Variants in ARHGAP15 observed in about 807,000 individuals in gnomAD.
The protein encoded by ARHGAP15 is Rho GTPase activating protein 15.
In ARHGAP15, 51 loss-of-function variants were observed where a neutral mutation model predicts 63.7. The observed-to-expected ratio is 0.80, with a 90% confidence interval of 0.64 to 1.01. The LOEUF is 1.01. Among genes scored for constraint, ARHGAP15 ranks in the 50% least tolerant of loss-of-function variants. The probability of loss-of-function intolerance (pLI) is 0.00; values close to 1 mark genes in which losing one functional copy is unlikely to be tolerated. For missense variants in ARHGAP15, 560 were observed against 564.6 expected (o/e 0.99, Z 0.08); for synonymous variants, 191 against 193.8 (o/e 0.99, Z 0.12).
chr2:143,186,234 T>A (rs1304711588), intron 2 of ARHGAP15, among the ~76,000 whole-genome samples: 3 of 152,208 alleles, frequency 2.0e-5, no homozygotes, highest in Non-Finnish European at 4.4e-5. Flanking sequence ...AATTTAGGAA[T>A]CTCTATTTAA....
rs531069509 is a variant in ARHGAP15 at position 143,382,268 on chromosome 2, C to A, written c.475-53333C>A. Among the ~76,000 whole-genome samples the A allele has an allele frequency of 2.4e-3, 370 of 152,244 alleles. 2 individuals carry two copies. The highest frequency in any genetic ancestry group is 8.5e-3 in the African/African-American group (354 of 41,544). ...AAAACAACAGTAACCTCTTGTCTCACTGTTTTGGAGGCTAGACATCTGAAA... is the reference window on the plus strand; with the variant it reads ...AAAACAACAGTAACCTCTTGTCTCAATGTTTTGGAGGCTAGACATCTGAAA... On this transcript the variant is annotated intron_variant, in intron 6 of 13. Coordinates refer to ENST00000295095, the MANE Select transcript of ARHGAP15 (RefSeq NM_018460.4).
intron 5 of ARHGAP15, among the ~76,000 whole-genome samples, chr2:143,235,340 T>C (rs1693602240): frequency 6.6e-6 from 1 of 150,986 alleles, no homozygotes. Context: ...TTTGAATATG[T>C]GGAGATTTGT....
At chr2:143,662,337 A>G (rs1196899805) in intron 12 of ARHGAP15, among the ~76,000 whole-genome samples, 39 of 148,450 alleles carry the variant, frequency 2.6e-4, no homozygotes, top group African/African-American at 7.1e-4. Context: ...GTATTCCAAC[A>G]GACCTGCAGC....
chr2:143,747,967 A>G (rs982970854), intron 13 of ARHGAP15, among the ~76,000 whole-genome samples: 5 of 152,180 alleles, frequency 3.3e-5, no homozygotes, highest in Non-Finnish European at 7.3e-5. Context: ...CTAAACTATC[A>G]TTTGTGTTCT....
rs577046311 is a variant in ARHGAP15 at position 143,433,684 on chromosome 2, C to T, written c.475-1917C>T. ...GCAAGCTGAACTATGTTGGCTCTTT[C>T]GTAAACCCTCATAATATAGCAAATC... is the stretch of plus-strand genomic sequence containing the variant. On this transcript the variant is annotated intron_variant, in intron 6 of 13. Coordinates refer to ENST00000295095, the MANE Select transcript of ARHGAP15 (RefSeq NM_018460.4). Among the ~76,000 whole-genome samples, 8 of 152,186 alleles carry T rather than the reference C, an allele frequency of 5.3e-5. No homozygotes were observed. In the East Asian group the frequency reaches 1.2e-3, roughly 22 times the overall value.
At chr2:143,647,768 A>T (rs1388702975) in intron 12 of ARHGAP15, among the ~76,000 whole-genome samples, 1 of 152,070 alleles carries the variant, frequency 6.6e-6, no homozygotes, top group Non-Finnish European at 1.5e-5. Flanking sequence ...AATTCAAAAT[A>T]ACTAGCAACG....
intron 12 of ARHGAP15, among the ~76,000 whole-genome samples, chr2:143,639,292 T>C (rs1680491690): frequency 6.6e-6 from 1 of 152,136 alleles, no homozygotes; most frequent in Non-Finnish European, 1.5e-5. Flanking sequence ...TACTTAAGAC[T>C]TCCATCTTGA....
At chr2:143,437,713 C>A (rs1201533822) in intron 8 of ARHGAP15, among the ~76,000 whole-genome samples, 1 of 152,154 alleles carries the variant, frequency 6.6e-6, no homozygotes, top group Non-Finnish European at 1.5e-5. Context: ...TGGTTTGAGT[C>A]TCAACCTCCT....
At chr2:143,459,653 A>T (rs1464715569) in intron 8 of ARHGAP15, among the ~76,000 whole-genome samples, 1 of 152,170 alleles carries the variant, frequency 6.6e-6, no homozygotes, top group African/African-American at 2.4e-5. Flanking sequence ...TTTTAAAAAA[A>T]AGATTGTACT....
At chr2:143,345,620 C>T (rs748886454) in intron 6 of ARHGAP15, among the ~76,000 whole-genome samples, 1 of 152,112 alleles carries the variant, frequency 6.6e-6, no homozygotes, top group Non-Finnish European at 1.5e-5. Flanking sequence ...GACTCACACA[C>T]ATTGCCTAAA....
intron 13 of ARHGAP15, among the ~76,000 whole-genome samples, chr2:143,740,203 T>A (rs1685909285): frequency 6.6e-6 from 1 of 152,232 alleles, no homozygotes; most frequent in African/African-American, 2.4e-5. Context: ...TACATGAATC[T>A]ACAAGATGAG....
At chr2:143,552,937 A>G (rs1266225422) in intron 10 of ARHGAP15, among the ~76,000 whole-genome samples, 1 of 152,188 alleles carries the variant, frequency 6.6e-6, no homozygotes, top group Non-Finnish European at 1.5e-5. Flanking sequence ...TTTAAAAATC[A>G]TACGACGTCT....
intron 11 of ARHGAP15, among the ~76,000 whole-genome samples, chr2:143,613,818 G>A (rs764622395): frequency 9.2e-5 from 14 of 152,102 alleles, no homozygotes; most frequent in Non-Finnish European, 1.3e-4. Flanking sequence ...TGCTCATTGT[G>A]TCTTTTTGGA....
intron 10 of ARHGAP15, among the ~76,000 whole-genome samples, chr2:143,537,616 C>T (rs1694841120): frequency 6.6e-6 from 1 of 152,212 alleles, no homozygotes; most frequent in Non-Finnish European, 1.5e-5. Context: ...GTTTTCCCAG[C>T]ACCATTTATT....
At chr2:143,465,228 GAGA>G (rs1184391899) in intron 8 of ARHGAP15, among the ~76,000 whole-genome samples, 3 of 152,122 alleles carry the variant, frequency 2.0e-5, no homozygotes, top group Non-Finnish European at 4.4e-5. Context: ...CAAAAGCCTG[GAGA>G]AGAGAATCAA....
chr2:143,394,077 CA>C (rs1687657604), intron 6 of ARHGAP15, among the ~76,000 whole-genome samples: 1 of 152,148 alleles, frequency 6.6e-6, no homozygotes, highest in African/African-American at 2.4e-5. Flanking sequence ...ATTATTGGTG[CA>C]TATACACAGT....
intron 8 of ARHGAP15, among the ~76,000 whole-genome samples, chr2:143,441,244 G>A (rs1302644545): frequency 6.6e-6 from 1 of 152,088 alleles, no homozygotes; most frequent in Non-Finnish European, 1.5e-5. Context: ...AAGGGTACCA[G>A]AATTGGATAT....
At position 143,605,858 on chromosome 2, in the gene ARHGAP15, C is replaced by CAAAAAAAAAAAAAA. The variant is rs373847590; in HGVS notation, c.1004-18260_1004-18247dup. Reference sequence around the variant, plus strand: ...GTGAAACCCTGTCTCTACTAAAATACAAAAAAAAAAAAAAAAAAAAAAAAA... The same window carrying CAAAAAAAAAAAAAA: ...GTGAAACCCTGTCTCTACTAAAATACAAAAAAAAAAAAAAAAAAAAAAAAAAAAAAAAAAAAAAA... On this transcript the variant is annotated intron_variant, in intron 11 of 13. Transcript: ENST00000295095. Among the ~76,000 whole-genome samples the CAAAAAAAAAAAAAA allele has an allele frequency of 7.0e-4, 60 of 85,302 alleles. 3 individuals carry two copies. The highest frequency in any genetic ancestry group is 1.0e-3 in the Non-Finnish European group (44 of 42,478). The allele number at this position is 85,302 out of a possible 152,430, so 56.0% of individuals were successfully genotyped here. A position where few individuals can be genotyped will look rare whatever the true frequency, so the allele number is the denominator to read the frequency against.
intron 6 of ARHGAP15, among the ~76,000 whole-genome samples, chr2:143,299,304 T>C (rs938708179): frequency 1.4e-4 from 21 of 151,984 alleles, no homozygotes; most frequent in Non-Finnish European, 1.3e-4. Flanking sequence ...GAAAATTTGT[T>C]TGGGTTCTAT....
Sources: allele counts gnomAD v4.1 joint callset (sites outside exome capture counted in the v4.1 genomes callset), GRCh38; gene constraint gnomAD v4.1.1; transcripts MANE v1.5; gene names NCBI Gene and HGNC (gene_info 2026-07-23, HGNC 2026-07-21).